Variants in WDPCP observed in about 807,000 individuals in gnomAD.
WDPCP encodes the protein WD repeat-containing and planar cell polarity effector protein fritz homolog.
Under a neutral mutation model 93.1 loss-of-function variants are expected in WDPCP, and 71 were observed. The ratio of observed to expected loss-of-function variants is 0.76; its 90% CI spans 0.63 to 0.93. The LOEUF is 0.93. Ranked by LOEUF, WDPCP falls within the 40% of genes least tolerant of loss-of-function variation. The probability of loss-of-function intolerance (pLI) is 0.00; values close to 1 mark genes in which losing one functional copy is unlikely to be tolerated. For missense variants in WDPCP, 844 were observed against 887.4 expected, an observed-to-expected ratio of 0.95 and a Z score of 0.62; for synonymous variants, 315 against 315.0, an observed-to-expected ratio of 1.00 and a Z score of 0.00.
At chr2:63,232,229 TAGAAGC>T (rs1678970008) in intron 14 of WDPCP, among the ~76,000 whole-genome samples, 1 of 152,180 alleles carries the variant, frequency 6.6e-6, no homozygotes, top group Non-Finnish European at 1.5e-5. Context: ...ATAAAAACCC[TAGAAGC>T]AAACGTAGGA....
At chr2:63,337,217 A>G (rs1395535674) in intron 12 of WDPCP, among the ~76,000 whole-genome samples, 5 of 152,158 alleles carry the variant, frequency 3.3e-5, no homozygotes, top group African/African-American at 1.2e-4. Context: ...TTAAGATTCC[A>G]CTTATGAGTG....
chr2:63,341,382 G>C (rs1688828240), intron 12 of WDPCP, among the ~76,000 whole-genome samples: 1 of 152,210 alleles, frequency 6.6e-6, no homozygotes, highest in Non-Finnish European at 1.5e-5. Context: ...ACCCTCCTCG[G>C]CCTCCCAAAG....
chr2:63,566,458 T>C (rs1707062121), intron 1 of WDPCP, among the ~76,000 whole-genome samples: 1 of 152,238 alleles, frequency 6.6e-6, no homozygotes, highest in Non-Finnish European at 1.5e-5. Flanking sequence ...TGATGTCTCA[T>C]GTCTCCCTAA....
At chr2:63,598,811 G>A (rs904620683) in intron 3 of WDPCP, among the ~76,000 whole-genome samples, 9 of 150,330 alleles carry the variant, frequency 6.0e-5, no homozygotes, top group Non-Finnish European at 1.0e-4. Flanking sequence ...TCTTCAAAGC[G>A]TCCTTGTTCG....
intron 1 of WDPCP, among the ~76,000 whole-genome samples, chr2:63,562,050 G>C (rs1706667464): frequency 6.6e-6 from 1 of 152,124 alleles, no homozygotes; most frequent in Non-Finnish European, 1.5e-5. Context: ...CAATCATTCT[G>C]TTATAAAGAT....
intron 6 of WDPCP, among the ~76,000 whole-genome samples, chr2:63,451,684 A>T (rs530227425): frequency 1.3e-5 from 2 of 152,364 alleles, no homozygotes; most frequent in South Asian, 4.1e-4. Flanking sequence ...ACACTGATGC[A>T]AAAATCCTCA....
chr2:63,552,388 A>T (rs895091033), intron 1 of WDPCP, among the ~76,000 whole-genome samples: 8 of 152,122 alleles, frequency 5.3e-5, no homozygotes, highest in Non-Finnish European at 1.0e-4. Flanking sequence ...GCCAATTTTT[A>T]AAGATTTATT....
chr2:63,701,086 A>T (rs1669042576), intron 2 of WDPCP, among the ~76,000 whole-genome samples: 5 of 152,206 alleles, frequency 3.3e-5, no homozygotes, highest in African/African-American at 1.2e-4. Flanking sequence ...ATAGAAGAAA[A>T]TATTTGCAAA....
At chr2:63,548,198 G>T (rs1473059220) in intron 1 of WDPCP, among the ~76,000 whole-genome samples, 1 of 151,622 alleles carries the variant, frequency 6.6e-6, no homozygotes, top group East Asian at 1.9e-4. Context: ...AAAATATAAG[G>T]AAACACAAAG....
intron 1 of WDPCP, among the ~76,000 whole-genome samples, chr2:63,539,203 A>G (rs1704528521): frequency 6.6e-6 from 1 of 152,254 alleles, no homozygotes; most frequent in African/African-American, 2.4e-5. Context: ...TAAGACAGTT[A>G]ACCCATAATT....
chr2:63,401,805 A>G (rs1479555183), intron 10 of WDPCP, among the ~76,000 whole-genome samples: 1 of 151,848 alleles, frequency 6.6e-6, no homozygotes, highest in Non-Finnish European at 1.5e-5. Flanking sequence ...ACTGTGTCTC[A>G]AAAAAAAGGT....
chr2:63,492,726 A>C, intron 2 of WDPCP, 130 bp downstream of exon 2: 1 of 805,550 alleles, frequency 1.2e-6, no homozygotes, highest in Non-Finnish European at 2.0e-6. Flanking sequence ...TCCATTAACC[A>C]ATTTTTCATT....
intron 12 of WDPCP, among the ~76,000 whole-genome samples, chr2:63,323,351 AC>A (rs1687270390): frequency 6.6e-6 from 1 of 152,106 alleles, no homozygotes; most frequent in Non-Finnish European, 1.5e-5. Context: ...GGATTCTGTT[AC>A]CTTCTGTAGG....
At chr2:63,612,237 TG>T (rs1709622315) in intron 3 of WDPCP, among the ~76,000 whole-genome samples, 1 of 152,246 alleles carries the variant, frequency 6.6e-6, no homozygotes, top group Admixed American at 6.5e-5. Context: ...TTCTACGTTT[TG>T]ACTCCCTCAG....
intron 1 of WDPCP, among the ~76,000 whole-genome samples, chr2:63,521,209 TA>T (rs1702907025): frequency 1.3e-5 from 2 of 152,164 alleles, no homozygotes; most frequent in South Asian, 2.1e-4. Context: ...CACATATCTA[TA>T]CCAACCTTGA....
chr2:63,789,259 AT>A (rs1040588734), intron 2 of WDPCP, among the ~76,000 whole-genome samples: 1 of 151,952 alleles, frequency 6.6e-6, no homozygotes, highest in Non-Finnish European at 1.5e-5. Flanking sequence ...ATTTGTCACA[AT>A]TTTTTTTCTC....
chr2:63,531,442 G>A (rs965349285), intron 1 of WDPCP, among the ~76,000 whole-genome samples: 3 of 152,142 alleles, frequency 2.0e-5, no homozygotes, highest in East Asian at 1.9e-4. Context: ...CTCCCAGTAG[G>A]GCTGACAGAC....
intron 12 of WDPCP, among the ~76,000 whole-genome samples, chr2:63,321,083 C>T (rs542200276): frequency 6.6e-6 from 1 of 151,836 alleles, no homozygotes; most frequent in East Asian, 1.9e-4. Context: ...GATAAAAACA[C>T]CAATTCATCA....
chr2:63,666,403 C>G (rs952942024), intron 2 of WDPCP, among the ~76,000 whole-genome samples: 6 of 152,142 alleles, frequency 3.9e-5, no homozygotes, highest in African/African-American at 1.2e-4. Context: ...TGCTGTATTT[C>G]AGAAACAGAG....
Sources: allele counts gnomAD v4.1 joint callset (sites outside exome capture counted in the v4.1 genomes callset), GRCh38; gene constraint gnomAD v4.1.1; transcripts MANE v1.5; gene names NCBI Gene and HGNC (gene_info 2026-07-23, HGNC 2026-07-21).